PHACTR1: variants seen among roughly 807,000 people sequenced by gnomAD.
The protein encoded by PHACTR1 is phosphatase and actin regulator 1, also known as RPEL repeat containing 1.
PHACTR1 carries 16 observed loss-of-function variants against 69.2 expected under a neutral mutation model. The observed-to-expected ratio is 0.23, with a 90% CI of 0.16 to 0.35. The LOEUF (loss-of-function observed/expected upper bound fraction) is 0.35. PHACTR1 is among the 10% of genes least tolerant of loss of function. The pLI is 1.00. For missense variants in PHACTR1, 510 were observed against 734.7 expected, an observed-to-expected ratio of 0.69 and a Z score of 3.54; for synonymous variants, 312 against 284.5, an observed-to-expected ratio of 1.10 and a Z score of -0.97.
chr6:13,159,580 ACT>A (rs1393857310), intron 5 of PHACTR1, among the ~76,000 whole-genome samples: 2 of 152,116 alleles, frequency 1.3e-5, no homozygotes, highest in Non-Finnish European at 2.9e-5. Flanking sequence ...TAGCGATGTG[ACT>A]CTGACAAGTT....
At chr6:13,046,176 G>A (rs529548237) in intron 4 of PHACTR1, among the ~76,000 whole-genome samples, 14 of 152,266 alleles carry the variant, frequency 9.2e-5, no homozygotes, top group Admixed American at 7.2e-4. Context: ...GTTGTTTTGT[G>A]TGGAATGTAA....
chr6:12,981,586 A>G (rs528558347), intron 4 of PHACTR1, among the ~76,000 whole-genome samples: 1 of 152,308 alleles, frequency 6.6e-6, no homozygotes, highest in South Asian at 2.1e-4. Context: ...TGAATTGCCA[A>G]ATCTTTTTTC....
At chr6:12,723,695 C>G (rs529275387) in intron 3 of PHACTR1, among the ~76,000 whole-genome samples, 1 of 152,148 alleles carries the variant, frequency 6.6e-6, no homozygotes, top group East Asian at 1.9e-4. Context: ...CTATGTTTCC[C>G]AGGCTGGTCT....
chr6:13,207,662 T>G (rs1055742855), intron 8 of PHACTR1, among the ~76,000 whole-genome samples: 10 of 152,182 alleles, frequency 6.6e-5, no homozygotes, highest in African/African-American at 2.2e-4. Flanking sequence ...GATTTCCCAC[T>G]GGGGCTCTGA....
intron 4 of PHACTR1, among the ~76,000 whole-genome samples, chr6:12,784,475 TACAC>T (rs1771259351): frequency 6.6e-6 from 1 of 151,210 alleles, no homozygotes; most frequent in African/African-American, 2.4e-5. Context: ...CACATGTCTA[TACAC>T]ATATACATAT....
Position 13,182,668 on chromosome 6 carries a change from G to A in PHACTR1, c.646G>A (p.Asp216Asn). The A allele has an allele frequency of 1.9e-6, 3 of 1,564,090 alleles. No individual in the cohort carries two copies. Among genetic ancestry groups the A allele is most frequent in the Non-Finnish European group, 2.6e-6 (3 of 1,157,186 alleles). ...PCSYEVLQPSDIMDGPDPGAP... is the reference protein window; with the variant it reads ...PCSYEVLQPSNIMDGPDPGAP... ...CTCATATGAGGTGCTCCAACCGTCA[G>A]ACATCATGGATGGGCCAGGTAATGC... The change falls in exon 7 of 15, where the codon GAC (aspartate) becomes AAC (asparagine). Residue 216 changes from aspartate to asparagine, a missense_variant. This residue lies in a region of PHACTR1 where 419 missense variants were observed against 530.9 expected (regional missense o/e 0.79). Transcript: ENST00000332995.
chr6:12,991,477 G>A (rs918754620), intron 4 of PHACTR1, among the ~76,000 whole-genome samples: 2 of 152,124 alleles, frequency 1.3e-5, no homozygotes, highest in Non-Finnish European at 2.9e-5. Context: ...TTTCTAAAGA[G>A]GCCGGCAATA....
chr6:13,079,260 G>A (rs762559771), intron 5 of PHACTR1, among the ~76,000 whole-genome samples: 3 of 152,140 alleles, frequency 2.0e-5, no homozygotes, highest in Admixed American at 2.0e-4. Context: ...GGGCATCGCA[G>A]AGATGGACAG....
intron 4 of PHACTR1, among the ~76,000 whole-genome samples, chr6:12,760,523 G>A (rs558710963): frequency 4.3e-4 from 65 of 152,264 alleles, no homozygotes; most frequent in South Asian, 1.0e-3. Context: ...AACAGAAGAA[G>A]AGCAGAGAAA....
At chr6:13,122,981 G>GGGA (rs60003650) in intron 5 of PHACTR1, among the ~76,000 whole-genome samples, 20,132 of 152,000 alleles carry the variant, frequency 0.13, 3,919 homozygotes, top group African/African-American at 0.43. Context: ...TTAGAAACCA[G>GGGA]GGAAGTGTCT....
chr6:13,267,176 G>A (rs932331816), intron 10 of PHACTR1: 2 of 152,226 alleles, frequency 1.3e-5, no homozygotes, highest in Non-Finnish European at 2.9e-5. Flanking sequence ...GAAGGGCAGG[G>A]ACTGGTTTTG....
At chr6:12,963,260 GCGCCCACAGA>G (rs1434016950) in intron 4 of PHACTR1, among the ~76,000 whole-genome samples, 5 of 152,146 alleles carry the variant, frequency 3.3e-5, no homozygotes, top group African/African-American at 1.2e-4. Context: ...TGATTTGCAG[GCGCCCACAGA>G]TGAGGGTGAG....
intron 4 of PHACTR1, among the ~76,000 whole-genome samples, chr6:12,799,230 G>A (rs1039009746): frequency 1.3e-5 from 2 of 152,006 alleles, no homozygotes; most frequent in Admixed American, 6.6e-5. Context: ...TTTACCCATC[G>A]GATATGTCAT....
intron 4 of PHACTR1, among the ~76,000 whole-genome samples, chr6:12,775,505 G>T (rs1769952085): frequency 6.6e-6 from 1 of 152,074 alleles, no homozygotes; most frequent in Non-Finnish European, 1.5e-5. Context: ...TTTGTACCAT[G>T]GTGGCAAAGG....
intron 4 of PHACTR1, among the ~76,000 whole-genome samples, chr6:13,047,340 T>C (rs1281771871): frequency 3.7e-5 from 5 of 134,408 alleles, no homozygotes; most frequent in African/African-American, 5.7e-5. Context: ...ATCATGTCAC[T>C]GCACTCCAGC....
chr6:13,058,711 G>A (rs986426082), intron 5 of PHACTR1, among the ~76,000 whole-genome samples: 1 of 152,158 alleles, frequency 6.6e-6, no homozygotes, highest in African/African-American at 2.4e-5. Flanking sequence ...AGAGAGGTTT[G>A]GGCTAGAGTC....
rs1786557652 is a variant in PHACTR1, at chr6:12,912,791, A to G, written c.251-140574A>G. 3.3e-5 allele frequency among the ~76,000 whole-genome samples: 5 copies of G among 152,228 alleles called. 1 individual carries two copies. The South Asian group carries it at 1.0e-3, about 32-fold the overall frequency. ...AATATGGCAAAACCCCATCTCTACT[A>G]AAAATACAAAAAATTAGCCAGGTGT... On this transcript the variant is annotated intron_variant, in intron 4 of 14. Transcript: ENST00000332995.
chr6:12,987,054 C>T (rs1332580956), intron 4 of PHACTR1, among the ~76,000 whole-genome samples: 1 of 150,400 alleles, frequency 6.6e-6, no homozygotes, highest in Non-Finnish European at 1.5e-5. Flanking sequence ...TATATATATC[C>T]ACACATCTAT....
intron 4 of PHACTR1, among the ~76,000 whole-genome samples, chr6:12,890,249 C>T (rs1309268906): frequency 6.6e-6 from 1 of 152,108 alleles, no homozygotes; most frequent in Admixed American, 6.5e-5. Flanking sequence ...AACATCCTCG[C>T]CCCCAAGTTC....
Sources: allele counts gnomAD v4.1 joint callset (sites outside exome capture counted in the v4.1 genomes callset), GRCh38; gene constraint gnomAD v4.1.1; regional missense constraint gnomAD v4.1.1; transcripts MANE v1.5; gene names NCBI Gene and HGNC (gene_info 2026-07-23, HGNC 2026-07-21).